Variants in HS6ST3 observed in about 807,000 individuals in gnomAD.
HS6ST3 encodes heparan sulfate 6-O-sulfotransferase 3.
A neutral mutation model predicts 36.7 loss-of-function variants in HS6ST3; 12 were observed. That is an observed-to-expected ratio of 0.33 (90% CI 0.21 to 0.53). The LOEUF is 0.53. HS6ST3 is among the 20% of genes least tolerant of loss of function. HS6ST3 has a pLI of 0.95. For missense variants in HS6ST3, 584 were observed against 640.9 expected (o/e 0.91, Z 0.96); for synonymous variants, 240 against 257.5 (o/e 0.93, Z 0.65).
chr13:96,414,085 A>G (rs2055521347), intron 1 of HS6ST3, among the ~76,000 whole-genome samples: 1 of 152,206 alleles, frequency 6.6e-6, no homozygotes, highest in Non-Finnish European at 1.5e-5. Context: ...CTACATGGTG[A>G]GTTTTGCTGA....
At chr13:96,494,514 C>T (rs1328033260) in intron 1 of HS6ST3, among the ~76,000 whole-genome samples, 4 of 150,682 alleles carry the variant, frequency 2.7e-5, no homozygotes, top group South Asian at 4.2e-4. Flanking sequence ...GCACGTTGTG[C>T]ACATGTACCC....
At chr13:96,142,743 G>C (rs1205668033) in intron 1 of HS6ST3, among the ~76,000 whole-genome samples, 2 of 152,054 alleles carry the variant, frequency 1.3e-5, no homozygotes, top group African/African-American at 4.8e-5. Context: ...GGTGTATCAT[G>C]AATACACATG....
At chr13:96,447,445 A>G (rs930840664) in intron 1 of HS6ST3, among the ~76,000 whole-genome samples, 1 of 152,178 alleles carries the variant, frequency 6.6e-6, no homozygotes, top group East Asian at 1.9e-4. Flanking sequence ...GTCCTGGGGA[A>G]GTTTTTGTTT....
intron 1 of HS6ST3, among the ~76,000 whole-genome samples, chr13:96,722,656 A>C (rs78651331): frequency 0.012 from 1,787 of 152,272 alleles, 31 homozygotes; most frequent in African/African-American, 0.041. Context: ...AATAATATCT[A>C]TCTTGTAGTT....
At chr13:96,745,293 A>G (rs1337697305) in intron 1 of HS6ST3, among the ~76,000 whole-genome samples, 2 of 152,118 alleles carry the variant, frequency 1.3e-5, no homozygotes, top group Non-Finnish European at 2.9e-5. Context: ...ATTTGAACCT[A>G]TTTCCCAAAC....
intron 1 of HS6ST3, among the ~76,000 whole-genome samples, chr13:96,383,584 G>A (rs2055352533): frequency 6.6e-6 from 1 of 152,156 alleles, no homozygotes. Context: ...AGGGACAGCA[G>A]GGTTTCTAGG....
chr13:96,106,067 G>T (rs1250190407), intron 1 of HS6ST3, among the ~76,000 whole-genome samples: 1 of 152,176 alleles, frequency 6.6e-6, no homozygotes, highest in Non-Finnish European at 1.5e-5. Context: ...AGAGGGTTCT[G>T]AAAATATGCT....
At position 96,091,512 on chromosome 13, in the gene HS6ST3, A is replaced by T. The variant is rs1448166117; in HGVS notation, c.650A>T (p.Asn217Ile). ...GLHADWTELT[N>I]CVPAIMEKKD... is the part of the protein sequence containing the mutation. ...CACGCCGACTGGACGGAGCTCACCA[A>T]CTGCGTGCCGGCCATCATGGAGAAG... The change falls in exon 1 of 2, where the codon AAC becomes ATC. Residue 217 changes from asparagine to isoleucine, a missense_variant. Around this residue, in one of 3 missense-constraint regions of HS6ST3, gnomAD observed 360 missense variants for 411.3 expected, o/e 0.88. Coordinates refer to ENST00000376705, the MANE Select transcript of HS6ST3 (RefSeq NM_153456.4). The T allele has an allele frequency of 1.3e-6, 2 of 1,597,444 alleles. No individual in the cohort carries two copies. Among genetic ancestry groups the T allele is most frequent in the Non-Finnish European group, 1.7e-6 (2 of 1,174,918 alleles).
chr13:96,146,117 G>C (rs1190292728), intron 1 of HS6ST3, among the ~76,000 whole-genome samples: 1 of 152,088 alleles, frequency 6.6e-6, no homozygotes, highest in Non-Finnish European at 1.5e-5. Flanking sequence ...TTTTGGCTTA[G>C]GATTGTCTTG....
chr13:96,696,753 A>G (rs1875139710), intron 1 of HS6ST3, among the ~76,000 whole-genome samples: 2 of 152,190 alleles, frequency 1.3e-5, no homozygotes, highest in Admixed American at 1.3e-4. Context: ...ACCACCTGGA[A>G]AGAATTAGGA....
At chr13:96,109,981 T>C (rs1056524605) in intron 1 of HS6ST3, among the ~76,000 whole-genome samples, 3 of 152,192 alleles carry the variant, frequency 2.0e-5, no homozygotes, top group African/African-American at 7.2e-5. Context: ...TGCTGTGGTG[T>C]GGGCACAGAG....
chr13:96,094,621 C>T (rs985061174), intron 1 of HS6ST3, among the ~76,000 whole-genome samples: 1 of 152,012 alleles, frequency 6.6e-6, no homozygotes, highest in Admixed American at 6.5e-5. Context: ...GAATGGTGAG[C>T]GAGGAGGTGA....
At chr13:96,785,724 A>C (rs1386011286) in intron 1 of HS6ST3, among the ~76,000 whole-genome samples, 1 of 152,186 alleles carries the variant, frequency 6.6e-6, no homozygotes, top group East Asian at 1.9e-4. Flanking sequence ...ACATGCATAC[A>C]CACACAAAAA....
intron 1 of HS6ST3, among the ~76,000 whole-genome samples, chr13:96,468,477 TACACACAC>T (rs3051066): frequency 0.47 from 59,066 of 126,104 alleles, 11,913 homozygotes; most frequent in Middle Eastern, 0.59. Flanking sequence ...CATACACACA[TACACACAC>T]ACACACACAC....
chr13:96,748,045 C>T (rs1251943346), intron 1 of HS6ST3, among the ~76,000 whole-genome samples: 1 of 151,992 alleles, frequency 6.6e-6, no homozygotes, highest in African/African-American at 2.4e-5. Flanking sequence ...TTTCTTGATC[C>T]ATCTCTCCTA....
rs552090864 is a variant in HS6ST3 at position 96,519,207 on chromosome 13, G to A, written c.708-313283G>A. ...CTGGGTCTACCGCAAGGTTAATGCT[G>A]CCTTTGAGTCACTTTGTTAATGACT... On this transcript the variant is annotated intron_variant, in intron 1 of 1. Coordinates refer to ENST00000376705, the MANE Select transcript of HS6ST3 (RefSeq NM_153456.4). Among the ~76,000 whole-genome samples the A allele has an allele frequency of 3.9e-5, 6 of 152,290 alleles. No individual in the cohort carries two copies. The South Asian group carries it at 1.2e-3, about 32-fold the overall frequency.
intron 1 of HS6ST3, among the ~76,000 whole-genome samples, chr13:96,464,782 T>A (rs1283145609): frequency 3.3e-5 from 5 of 152,142 alleles, no homozygotes; most frequent in African/African-American, 9.7e-5. Context: ...AATGGTGCCA[T>A]CAACCATAAC....
chr13:96,751,817 T>TAC (rs1451293488), intron 1 of HS6ST3, among the ~76,000 whole-genome samples: 1 of 151,432 alleles, frequency 6.6e-6, no homozygotes, highest in Admixed American at 6.6e-5. Context: ...TATATATATA[T>TAC]ACACATATGT....
intron 1 of HS6ST3, among the ~76,000 whole-genome samples, chr13:96,756,195 A>C (rs1876828057): frequency 6.6e-6 from 1 of 152,166 alleles, no homozygotes; most frequent in Non-Finnish European, 1.5e-5. Context: ...TAATTGGGAA[A>C]ACAATATTAA....
Sources: gnomAD v4.1 joint callset for allele counts (sites outside exome capture counted in the v4.1 genomes callset) on GRCh38, gnomAD v4.1.1 for gene constraint, gnomAD v4.1.1 regional missense constraint, MANE v1.5 for transcripts, NCBI Gene and HGNC (gene_info 2026-07-23, HGNC 2026-07-21) for gene names.